ASCC3: variants seen among roughly 807,000 people sequenced by gnomAD.
ASCC3 encodes the protein ASC-1 complex subunit P200.
In ASCC3, 158 loss-of-function variants were observed where a neutral mutation model predicts 256.3. The ratio of observed to expected loss-of-function variants is 0.62; its 90% confidence interval spans 0.54 to 0.70. The LOEUF (loss-of-function observed/expected upper bound fraction) is 0.70. Ranked by LOEUF, ASCC3 falls within the 30% of genes least tolerant of loss-of-function variation. The pLI is 0.00. For synonymous variants in ASCC3, 948 were observed against 883.4 expected (o/e 1.07, Z -1.30); for missense variants, 2,259 against 2,626.0 (o/e 0.86, Z 3.05).
At chr6:100,702,712 A>G (rs954620602) in intron 13 of ASCC3, among the ~76,000 whole-genome samples, 1 of 152,160 alleles carries the variant, frequency 6.6e-6, no homozygotes, top group Non-Finnish European at 1.5e-5. Context: ...GAGTAAGGAG[A>G]TAGGTAAAAG....
intron 10 of ASCC3, among the ~76,000 whole-genome samples, chr6:100,766,069 T>C (rs1427245047): frequency 6.6e-6 from 1 of 152,222 alleles, no homozygotes; most frequent in Non-Finnish European, 1.5e-5. Flanking sequence ...AGTGTCTTTA[T>C]TGTCAGGTAT....
At chr6:100,661,585 T>C (rs903630246) in intron 16 of ASCC3, among the ~76,000 whole-genome samples, 11 of 151,968 alleles carry the variant, frequency 7.2e-5, no homozygotes, top group Admixed American at 5.9e-4. Flanking sequence ...CCTCATAGTT[T>C]AAAAGTATGG....
At chr6:100,528,943 A>G (rs181929050) in intron 37 of ASCC3, among the ~76,000 whole-genome samples, 1 of 152,348 alleles carries the variant, frequency 6.6e-6, no homozygotes, top group Admixed American at 6.5e-5. Flanking sequence ...GGGAATTGGT[A>G]GTTCCATATC....
At chr6:100,522,118 AC>A (rs373154359) in intron 37 of ASCC3, among the ~76,000 whole-genome samples, 9 of 152,104 alleles carry the variant, frequency 5.9e-5, no homozygotes, top group African/African-American at 2.2e-4. Flanking sequence ...AATACTTAAT[AC>A]CCCTTTACCT....
At chr6:100,863,047 G>A (rs1198315583) in intron 3 of ASCC3, among the ~76,000 whole-genome samples, 1 of 152,180 alleles carries the variant, frequency 6.6e-6, no homozygotes, top group Non-Finnish European at 1.5e-5. Flanking sequence ...GTCAGACAGA[G>A]GGGAAGGCCA....
intron 10 of ASCC3, among the ~76,000 whole-genome samples, chr6:100,738,985 G>A (rs1050287864): frequency 6.6e-6 from 1 of 152,126 alleles, no homozygotes; most frequent in Non-Finnish European, 1.5e-5. Flanking sequence ...ATGCTGAATA[G>A]GAGAGGTGAG....
At chr6:100,553,579 C>A (rs541765422) in intron 36 of ASCC3, among the ~76,000 whole-genome samples, 2 of 152,168 alleles carry the variant, frequency 1.3e-5, no homozygotes, top group South Asian at 2.1e-4. Context: ...ATCTGTGTCT[C>A]TGATTTGCCC....
intron 36 of ASCC3, among the ~76,000 whole-genome samples, chr6:100,553,058 C>G (rs914510651): frequency 3.9e-5 from 6 of 152,014 alleles, no homozygotes; most frequent in Non-Finnish European, 5.9e-5. Flanking sequence ...TCTCTAAGCT[C>G]TTTAGAATAT....
chr6:100,516,067 A>T (rs1774010512), intron 39 of ASCC3, 113 bp downstream of exon 39: 1 of 1,263,598 alleles, frequency 7.9e-7, no homozygotes, highest in East Asian at 2.3e-5. Context: ...AATGGCAGAG[A>T]CAATTTAACT....
At chr6:100,595,167 G>A (rs1772224157) in intron 34 of ASCC3, among the ~76,000 whole-genome samples, 1 of 152,064 alleles carries the variant, frequency 6.6e-6, no homozygotes, top group African/African-American at 2.4e-5. Flanking sequence ...TAATAATAAT[G>A]TATTGTGTAT....
At chr6:100,510,178 G>A in intron 40 of ASCC3, 71 bp from the exon 41 acceptor site, 2 of 1,538,666 alleles carry the variant, frequency 1.3e-6, no homozygotes, top group Non-Finnish European at 1.8e-6. Flanking sequence ...TGTGGTTAAG[G>A]CTACGTTGTC....
At chr6:100,578,348 C>G (rs1770992981) in intron 36 of ASCC3, among the ~76,000 whole-genome samples, 1 of 151,928 alleles carries the variant, frequency 6.6e-6, no homozygotes, top group African/African-American at 2.4e-5. Flanking sequence ...GTTTGGGGTA[C>G]AGATTATTTT....
chr6:100,529,185 C>A (rs73500928), intron 37 of ASCC3, among the ~76,000 whole-genome samples: 4 of 151,772 alleles, frequency 2.6e-5, no homozygotes, highest in Non-Finnish European at 5.9e-5. Context: ...AGTAAACCTA[C>A]GCAGAAATTA....
At chr6:100,844,295 T>C (rs1772287879) in intron 4 of ASCC3, among the ~76,000 whole-genome samples, 1 of 151,538 alleles carries the variant, frequency 6.6e-6, no homozygotes, top group Non-Finnish European at 1.5e-5. Context: ...ATATCACTCC[T>C]ACACATTGCA....
intron 12 of ASCC3, among the ~76,000 whole-genome samples, chr6:100,717,003 T>C (rs1037521937): frequency 6.6e-6 from 1 of 151,760 alleles, no homozygotes; most frequent in African/African-American, 2.4e-5. Context: ...TATTGAAACA[T>C]AACTGAAAAA....
intron 37 of ASCC3, among the ~76,000 whole-genome samples, chr6:100,521,561 T>C (rs548002147): frequency 6.6e-6 from 1 of 152,324 alleles, no homozygotes; most frequent in South Asian, 2.1e-4. Flanking sequence ...TAATTGATGG[T>C]AATCAGGTTC....
At chr6:100,697,259 G>C (rs947565567) in intron 13 of ASCC3, among the ~76,000 whole-genome samples, 10 of 151,924 alleles carry the variant, frequency 6.6e-5, no homozygotes, top group African/African-American at 2.4e-4. Flanking sequence ...ATAGTACCTA[G>C]TTAACAAGGC....
chr6:100,849,871 G>A (rs1400892913), intron 3 of ASCC3, among the ~76,000 whole-genome samples: 1 of 151,916 alleles, frequency 6.6e-6, no homozygotes, highest in East Asian at 1.9e-4. Flanking sequence ...AGGCCGAGGT[G>A]GGTGGATCAC....
chr6:100,677,667 C>T (rs980373724), intron 14 of ASCC3, among the ~76,000 whole-genome samples: 1 of 151,486 alleles, frequency 6.6e-6, no homozygotes, highest in East Asian at 1.9e-4. Context: ...TCTGGGATAC[C>T]TACTATCAGA....
Sources: allele counts gnomAD v4.1 joint callset (sites outside exome capture counted in the v4.1 genomes callset), GRCh38; gene constraint gnomAD v4.1.1; transcripts MANE v1.5; gene names NCBI Gene and HGNC (gene_info 2026-07-23, HGNC 2026-07-21).